SEMA6D: variants seen among roughly 807,000 people sequenced by gnomAD.
SEMA6D encodes the protein semaphorin 6D, also known as semaphorin-6D.
A neutral mutation model predicts 106.6 loss-of-function variants in SEMA6D; 35 were observed. The ratio of observed to expected loss-of-function variants is 0.33; its 90% CI spans 0.25 to 0.44. The LOEUF is 0.44. SEMA6D is among the 20% of genes least tolerant of loss of function. The pLI, the probability that SEMA6D is intolerant of heterozygous loss-of-function variation, is 1.00. For missense variants in SEMA6D, 1,185 were observed against 1,345.9 expected, an observed-to-expected ratio of 0.88 and a Z score of 1.87; for synonymous variants, 499 against 487.7, an observed-to-expected ratio of 1.02 and a Z score of -0.31.
chr15:47,262,191 C>G (rs1238943524), intron 1 of SEMA6D, among the ~76,000 whole-genome samples: 2 of 151,990 alleles, frequency 1.3e-5, no homozygotes, highest in East Asian at 3.9e-4. Context: ...AGAGATGACA[C>G]AAACAAATGG....
intron 4 of SEMA6D, among the ~76,000 whole-genome samples, chr15:47,697,999 A>G (rs1255108814): frequency 6.6e-6 from 1 of 152,192 alleles, no homozygotes; most frequent in Non-Finnish European, 1.5e-5. Context: ...AAAATAGAAG[A>G]CTTGGCCATA....
At chr15:47,564,650 C>T (rs535025885) in intron 3 of SEMA6D, among the ~76,000 whole-genome samples, 1 of 152,110 alleles carries the variant, frequency 6.6e-6, no homozygotes, top group Non-Finnish European at 1.5e-5. Flanking sequence ...GGACAGGAGG[C>T]AGAGGAATTC....
intron 4 of SEMA6D, among the ~76,000 whole-genome samples, chr15:47,644,183 A>G (rs2077539529): frequency 6.6e-6 from 1 of 152,172 alleles, no homozygotes; most frequent in Non-Finnish European, 1.5e-5. Context: ...CTCCCACTTA[A>G]TATTTACTCC....
intron 3 of SEMA6D, among the ~76,000 whole-genome samples, chr15:47,570,645 C>G (rs1272147251): frequency 2.0e-5 from 3 of 152,300 alleles, no homozygotes; most frequent in East Asian, 3.9e-4. Flanking sequence ...TGCACCCCAG[C>G]AGGCCCGGCG....
intron 1 of SEMA6D, among the ~76,000 whole-genome samples, chr15:47,238,968 A>C (rs1422763060): frequency 2.6e-5 from 4 of 152,168 alleles, no homozygotes; most frequent in Non-Finnish European, 4.4e-5. Flanking sequence ...TCTGCAAGCC[A>C]CAGGCCATGG....
chr15:47,504,737 A>G (rs374002957), intron 3 of SEMA6D, among the ~76,000 whole-genome samples: 56 of 152,268 alleles, frequency 3.7e-4, no homozygotes, highest in African/African-American at 1.1e-3. Flanking sequence ...ACAGGCAATC[A>G]TGTGAGCATG....
At chr15:47,680,911 A>G (rs945170217) in intron 4 of SEMA6D, among the ~76,000 whole-genome samples, 2 of 152,226 alleles carry the variant, frequency 1.3e-5, no homozygotes, top group African/African-American at 4.8e-5. Context: ...ATATTAGGAC[A>G]GCCATTATCA....
At chr15:47,381,178 A>C (rs1330045638) in intron 1 of SEMA6D, among the ~76,000 whole-genome samples, 1 of 152,248 alleles carries the variant, frequency 6.6e-6, no homozygotes, top group Non-Finnish European at 1.5e-5. Flanking sequence ...CTATGTCTAC[A>C]TGGCAAAAAT....
chr15:47,203,124 C>G (rs1196198211), intron 1 of SEMA6D, among the ~76,000 whole-genome samples: 1 of 151,954 alleles, frequency 6.6e-6, no homozygotes, highest in African/African-American at 2.4e-5. Flanking sequence ...CAGTTGATAC[C>G]ACCTTTCACT....
chr15:47,466,916 G>A (rs374163283), intron 2 of SEMA6D, among the ~76,000 whole-genome samples: 43 of 147,080 alleles, frequency 2.9e-4, no homozygotes, highest in African/African-American at 9.9e-4. Flanking sequence ...TGTAGCAGAA[G>A]TGAGGTTTCA....
chr15:47,327,395 A>G (rs2037174163), intron 1 of SEMA6D, among the ~76,000 whole-genome samples: 1 of 152,222 alleles, frequency 6.6e-6, no homozygotes, highest in African/African-American at 2.4e-5. Context: ...TTTTATTAAA[A>G]TCCACAGTTG....
intron 3 of SEMA6D, among the ~76,000 whole-genome samples, chr15:47,483,424 A>G (rs1272841604): frequency 1.3e-5 from 2 of 152,098 alleles, no homozygotes; most frequent in Non-Finnish European, 2.9e-5. Context: ...TGGAGTCTCC[A>G]TGTTTCTTTC....
chr15:47,611,688 A>T lies in SEMA6D; in HGVS notation c.-55+10792A>T, dbSNP rs191836373. On this transcript the variant is annotated intron_variant, in intron 4 of 19. Transcript: ENST00000558014. The stretch of plus-strand genomic sequence containing the variant: ...AGAACAATGTTTACAGATAGTTAAG[A>T]CGTAAAGGATTAGTGCAAATGTCAC... Among the ~76,000 whole-genome samples the T allele has an allele frequency of 3.3e-5, 5 of 152,346 alleles. No individual in the cohort carries two copies. The East Asian group carries it at 9.6e-4, about 29-fold the overall frequency.
chr15:47,744,024 T>C (rs2080971572), intron 1 of SEMA6D, among the ~76,000 whole-genome samples: 1 of 152,170 alleles, frequency 6.6e-6, no homozygotes, highest in Admixed American at 6.5e-5. Context: ...TAACTCCTTG[T>C]CTGAAAAGCA....
intron 1 of SEMA6D, among the ~76,000 whole-genome samples, chr15:47,744,255 T>C (rs1313024969): frequency 6.6e-6 from 1 of 152,044 alleles, no homozygotes; most frequent in Non-Finnish European, 1.5e-5. Context: ...TAAAACACTA[T>C]AAGTGAAAAG....
chr15:47,367,243 C>A (rs761908542), intron 1 of SEMA6D, among the ~76,000 whole-genome samples: 1 of 152,020 alleles, frequency 6.6e-6, no homozygotes, highest in African/African-American at 2.4e-5. Context: ...TGTCCTCCTT[C>A]CCCCCCTTCT....
chr15:47,487,415 T>G (rs1159529169), intron 3 of SEMA6D, among the ~76,000 whole-genome samples: 1 of 152,222 alleles, frequency 6.6e-6, no homozygotes, highest in Non-Finnish European at 1.5e-5. Context: ...TTATAATACA[T>G]GTACATGTAT....
At chr15:47,193,507 C>T (rs1008675443) in intron 1 of SEMA6D, among the ~76,000 whole-genome samples, 1 of 152,140 alleles carries the variant, frequency 6.6e-6, no homozygotes, top group Non-Finnish European at 1.5e-5. Context: ...TATGTTTTAG[C>T]TGTTTGTCAA....
chr15:47,716,291 G>A (rs572969215), upstream of SEMA6D, among the ~76,000 whole-genome samples: 1 of 152,174 alleles, frequency 6.6e-6, no homozygotes, highest in African/African-American at 2.4e-5. Context: ...GATGAGTCCT[G>A]CAGCAGTTGC....
Sources: gnomAD v4.1 joint callset for allele counts (sites outside exome capture counted in the v4.1 genomes callset) on GRCh38, gnomAD v4.1.1 for gene constraint, MANE v1.5 for transcripts, NCBI Gene and HGNC (gene_info 2026-07-23, HGNC 2026-07-21) for gene names.